LAMA2: variants seen among roughly 807,000 people sequenced by gnomAD.
LAMA2 encodes laminin subunit alpha-2.
LAMA2 carries 269 observed loss-of-function variants against 364.8 expected under a neutral mutation model. The ratio of observed to expected loss-of-function variants is 0.74; its 90% CI spans 0.67 to 0.82. The LOEUF (loss-of-function observed/expected upper bound fraction) is 0.82. LAMA2 is among the 40% of genes least tolerant of loss of function. The pLI is 0.00. For synonymous variants in LAMA2, 1,379 were observed against 1,370.6 expected (o/e 1.01, Z -0.14); for missense variants, 3,807 against 3,873.2 (o/e 0.98, Z 0.45).
intron 4 of LAMA2, among the ~76,000 whole-genome samples, chr6:129,099,435 A>G (rs1443986000): frequency 6.6e-6 from 1 of 152,004 alleles, no homozygotes; most frequent in Admixed American, 6.6e-5. Flanking sequence ...ACTCTCTTGA[A>G]TTATTCAATA....
intron 35 of LAMA2, among the ~76,000 whole-genome samples, chr6:129,386,537 A>G (rs1779028088): frequency 6.6e-6 from 1 of 152,158 alleles, no homozygotes; most frequent in Admixed American, 6.6e-5. Flanking sequence ...AACTTTCAGT[A>G]GAAAAATAAT....
At chr6:129,286,236 G>A (rs1789109625) in intron 18 of LAMA2, among the ~76,000 whole-genome samples, 1 of 151,904 alleles carries the variant, frequency 6.6e-6, no homozygotes, top group African/African-American at 2.4e-5. Flanking sequence ...GACACTTGCT[G>A]CAAAAGACTT....
In LAMA2 at chr6:129,103,646, T is replaced by A. The variant is rs188812012; in HGVS notation, c.639+5231T>A. ...CAGTTTGGGTTTGCCTGATGTTTTTTCATGGTTAAACTGGGCTTCTGGATT... is the reference window on the plus strand; with the variant it reads ...CAGTTTGGGTTTGCCTGATGTTTTTACATGGTTAAACTGGGCTTCTGGATT... On this transcript the variant is annotated intron_variant, in intron 4 of 64. Coordinates refer to ENST00000421865, the MANE Select transcript of LAMA2 (RefSeq NM_000426.4). 9.8e-5 allele frequency among the ~76,000 whole-genome samples: 15 copies of A among 152,332 alleles called. No homozygotes were observed. The South Asian group carries it at 1.0e-3, about 11-fold the overall frequency.
At chr6:129,275,753 A>T (rs947712389) in intron 17 of LAMA2, among the ~76,000 whole-genome samples, 10 of 150,800 alleles carry the variant, frequency 6.6e-5, no homozygotes, top group Admixed American at 4.0e-4. Flanking sequence ...AAAGTTTTTT[A>T]AAAAATTAAT....
chr6:129,103,154 C>T (rs1775611617), intron 4 of LAMA2, among the ~76,000 whole-genome samples: 1 of 152,234 alleles, frequency 6.6e-6, no homozygotes, highest in Non-Finnish European at 1.5e-5. Flanking sequence ...GTTATCTTCA[C>T]TCTCTTGATA....
intron 39 of LAMA2, 113 bp downstream of exon 39, chr6:129,402,600 C>A: frequency 9.2e-7 from 1 of 1,083,786 alleles, no homozygotes; most frequent in Non-Finnish European, 1.4e-6. Flanking sequence ...TAATTATGAA[C>A]ACACTAGCTA....
chr6:128,967,661 G>A (rs1311670698), intron 1 of LAMA2, among the ~76,000 whole-genome samples: 3 of 152,158 alleles, frequency 2.0e-5, no homozygotes, highest in Non-Finnish European at 2.9e-5. Flanking sequence ...GTTTGCATGG[G>A]TTCCTAGGAG....
chr6:129,403,980 G>A (rs752827991), intron 40 of LAMA2, 21 bp downstream of exon 40: 20 of 1,613,348 alleles, frequency 1.2e-5, no homozygotes, highest in Non-Finnish European at 1.6e-5. Flanking sequence ...AATGGCACAT[G>A]TGCTGGGAAT....
At chr6:129,044,189 T>TATATAC (rs150575470) in intron 1 of LAMA2, among the ~76,000 whole-genome samples, 4,011 of 151,250 alleles carry the variant, frequency 0.027, 148 homozygotes, top group African/African-American at 0.087. Context: ...TATATATATA[T>TATATAC]ACACACACAT....
intron 4 of LAMA2, among the ~76,000 whole-genome samples, chr6:129,134,975 C>T (rs369761137): frequency 6.1e-4 from 93 of 152,292 alleles, no homozygotes; most frequent in African/African-American, 2.2e-3. Context: ...GTACTCTAAT[C>T]TGCCTCACTC....
chr6:128,885,587 G>A (rs1035513785), intron 1 of LAMA2, among the ~76,000 whole-genome samples: 2 of 152,090 alleles, frequency 1.3e-5, no homozygotes, highest in Non-Finnish European at 2.9e-5. Flanking sequence ...ACTGGAGAAG[G>A]GTTTTCCTGG....
At chr6:129,410,735 TAGATAGATAGATAGATAG>T (rs1189219806) in intron 40 of LAMA2, among the ~76,000 whole-genome samples, 226 of 39,710 alleles carry the variant, frequency 5.7e-3, no homozygotes, top group African/African-American at 0.033. Context: ...GATAGATAGA[TAGATAGATAGATAGATAG>T]ATAATAGATT....
intron 1 of LAMA2, chr6:128,929,092 G>A: frequency 1.4e-6 from 2 of 1,457,184 alleles, no homozygotes; most frequent in Non-Finnish European, 1.9e-6. Flanking sequence ...TCCACACTGT[G>A]GACCGCAGCA....
intron 10 of LAMA2, among the ~76,000 whole-genome samples, chr6:129,181,825 A>G (rs1328497008): frequency 6.6e-6 from 1 of 151,954 alleles, no homozygotes; most frequent in Non-Finnish European, 1.5e-5. Flanking sequence ...GTTAAAAACT[A>G]TTATAAATCC....
chr6:129,098,250 T>G lies in LAMA2; in HGVS notation c.474T>G (p.Leu158=), dbSNP rs1371285189. ...GAAACTGGATTTTGGAACGCTCTCT[T>G]GATGATGTTGAATACAAGCCCTGGC... ...RPGNWILERS[L]DDVEYKPWQY... Residue 158 remains leucine (L), a synonymous_variant, in exon 4 of 65, where the codon CTT becomes CTG. Coordinates refer to ENST00000421865, the MANE Select transcript of LAMA2 (RefSeq NM_000426.4). 1.9e-6 allele frequency: 3 copies of G among 1,614,072 alleles called. No individual in the cohort carries two copies. Among genetic ancestry groups the G allele is most frequent in the Middle Eastern group, 1.6e-4 (1 of 6,062 alleles).
intron 40 of LAMA2, among the ~76,000 whole-genome samples, chr6:129,426,483 A>G (rs987865472): frequency 1.3e-5 from 2 of 151,348 alleles, no homozygotes; most frequent in African/African-American, 4.9e-5. Flanking sequence ...TTTTTCCAAG[A>G]TGAATGACAC....
intron 19 of LAMA2, 52 bp downstream of exon 19, chr6:129,288,110 A>T (rs929188869): frequency 1.4e-6 from 2 of 1,480,454 alleles, no homozygotes; most frequent in Non-Finnish European, 1.9e-6. Flanking sequence ...TTGTACCTCA[A>T]AGTAGCTGAT....
chr6:129,228,026 A>G (rs1055660692), intron 12 of LAMA2, among the ~76,000 whole-genome samples: 1 of 152,136 alleles, frequency 6.6e-6, no homozygotes, highest in Admixed American at 6.5e-5. Flanking sequence ...AGCCTCGGCA[A>G]TGGCGGGCGC....
At chr6:128,930,833 T>C (rs150981021) in intron 1 of LAMA2, among the ~76,000 whole-genome samples, 38 of 152,340 alleles carry the variant, frequency 2.5e-4, no homozygotes, top group Non-Finnish European at 4.9e-4. Context: ...TCACTGGCTT[T>C]CAAGACCATC....
Sources: allele counts gnomAD v4.1 joint callset (sites outside exome capture counted in the v4.1 genomes callset), GRCh38; gene constraint gnomAD v4.1.1; transcripts MANE v1.5; gene names NCBI Gene and HGNC (gene_info 2026-07-23, HGNC 2026-07-21).